Variants in PDE4D observed in about 807,000 individuals in gnomAD.
PDE4D encodes phosphodiesterase 4D.
A neutral mutation model predicts 87.4 loss-of-function variants in PDE4D; 24 were observed. The observed-to-expected ratio is 0.27, with a 90% confidence interval of 0.20 to 0.39. PDE4D has a LOEUF of 0.39. Ranked by LOEUF, PDE4D falls within the 10% of genes least tolerant of loss-of-function variation. The pLI is 1.00. For synonymous variants in PDE4D, 384 were observed against 383.2 expected, an observed-to-expected ratio of 1.00 and a Z score of -0.02; for missense variants, 714 against 1,041.0, an observed-to-expected ratio of 0.69 and a Z score of 4.32.
intron 2 of PDE4D, among the ~76,000 whole-genome samples, chr5:60,098,414 A>G (rs1775898839): frequency 6.6e-6 from 1 of 151,950 alleles, no homozygotes; most frequent in South Asian, 2.1e-4. Flanking sequence ...TAATACATAG[A>G]CATAAAATAT....
intron 1 of PDE4D, among the ~76,000 whole-genome samples, chr5:59,436,984 G>T (rs191767043): frequency 3.9e-5 from 6 of 152,268 alleles, no homozygotes; most frequent in Admixed American, 2.0e-4. Context: ...AGTAAATTAG[G>T]CCTGGTCCAA....
chr5:59,964,462 T>C (rs1481544524), intron 3 of PDE4D, among the ~76,000 whole-genome samples: 2 of 152,140 alleles, frequency 1.3e-5, no homozygotes, highest in Admixed American at 6.6e-5. Context: ...CCCAGCTTCT[T>C]CACTCAGTGT....
At chr5:59,525,802 A>G (rs1813015608) in intron 1 of PDE4D, among the ~76,000 whole-genome samples, 1 of 152,296 alleles carries the variant, frequency 6.6e-6, no homozygotes, top group South Asian at 2.1e-4. Flanking sequence ...TGATAGTTCT[A>G]TAAGGGGCTT....
Position 59,397,348 on chromosome 5 carries a change from A to T in PDE4D, c.456-181380T>A, listed in dbSNP as rs558467593. 3.2e-5 allele frequency among the ~76,000 whole-genome samples: 4 copies of T among 124,112 alleles called. No homozygotes were observed. The South Asian group carries it at 1.1e-3, about 33-fold the overall frequency. 81.4% of individuals were successfully genotyped at this position (124,112 alleles called of 152,430 possible). On this transcript the variant is annotated intron_variant, in intron 1 of 14. Coordinates refer to ENST00000340635, the MANE Select transcript of PDE4D (RefSeq NM_001104631.2). The stretch of plus-strand genomic sequence containing the variant: ...CTTGGAAGTAAAGCTTTCCTCAGCA[A>T]ATGTAAAAGAACAGAAATTATAACA...
intron 1 of PDE4D, among the ~76,000 whole-genome samples, chr5:59,231,595 T>C (rs1424167504): frequency 6.6e-6 from 1 of 152,208 alleles, no homozygotes; most frequent in Non-Finnish European, 1.5e-5. Context: ...AATGAGTTTA[T>C]TTTTTAAGTC....
intron 1 of PDE4D, among the ~76,000 whole-genome samples, chr5:59,415,881 G>A (rs258129): frequency 0.39 from 59,221 of 151,864 alleles, 11,864 homozygotes; most frequent in East Asian, 0.48. Flanking sequence ...CTAAAATTAC[G>A]AAGTGTCTCA....
At chr5:59,109,070 C>T (rs375065275) in intron 5 of PDE4D, among the ~76,000 whole-genome samples, 24 of 150,846 alleles carry the variant, frequency 1.6e-4, no homozygotes, top group African/African-American at 5.8e-4. Flanking sequence ...GATACATTCT[C>T]ATCTTTTTCT....
intron 3 of PDE4D, among the ~76,000 whole-genome samples, chr5:59,909,212 C>G (rs1044623130): frequency 6.6e-6 from 1 of 152,102 alleles, no homozygotes; most frequent in Admixed American, 6.6e-5. Flanking sequence ...AAACCTTCAC[C>G]ATTTCACTCC....
chr5:60,384,828 C>T (rs568080772), intron 1 of PDE4D, among the ~76,000 whole-genome samples: 1 of 152,212 alleles, frequency 6.6e-6, no homozygotes, highest in Non-Finnish European at 1.5e-5. Context: ...AATGCCTACA[C>T]TGTCCATGGA....
chr5:59,481,157 C>A (rs914924954), intron 1 of PDE4D, among the ~76,000 whole-genome samples: 1 of 152,036 alleles, frequency 6.6e-6, no homozygotes, highest in Non-Finnish European at 1.5e-5. Flanking sequence ...GCTTATACCC[C>A]ACATACAGCC....
intron 1 of PDE4D, among the ~76,000 whole-genome samples, chr5:59,599,235 T>TA: frequency 1.7e-5 from 1 of 57,218 alleles, no homozygotes; most frequent in Non-Finnish European, 3.3e-5. Flanking sequence ...TTTTGCTTTT[T>TA]CTTTTTTTTT....
At chr5:59,263,847 G>A (rs988481964) in intron 1 of PDE4D, among the ~76,000 whole-genome samples, 2 of 151,836 alleles carry the variant, frequency 1.3e-5, no homozygotes, top group Admixed American at 6.6e-5. Context: ...GCTTAAAGGG[G>A]CATAAAGGTG....
intron 2 of PDE4D, among the ~76,000 whole-genome samples, chr5:60,090,918 C>A (rs1354969305): frequency 6.6e-6 from 1 of 152,088 alleles, no homozygotes; most frequent in East Asian, 1.9e-4. Flanking sequence ...AAAGTAATCC[C>A]ATTTACAATA....
intron 3 of PDE4D, among the ~76,000 whole-genome samples, chr5:59,921,609 C>T (rs1417177046): frequency 6.6e-6 from 1 of 152,124 alleles, no homozygotes; most frequent in Non-Finnish European, 1.5e-5. Context: ...AAATACTGTA[C>T]TCAGACAGTA....
At chr5:59,056,272 T>C (rs1762342953) in intron 5 of PDE4D, among the ~76,000 whole-genome samples, 4 of 151,888 alleles carry the variant, frequency 2.6e-5, no homozygotes, top group Admixed American at 2.6e-4. Flanking sequence ...TTCTCCAAAT[T>C]CTCTAAAGTG....
chr5:60,043,703 T>C lies in PDE4D; in HGVS notation c.43-54986A>G, dbSNP rs1005097228. Among the ~76,000 whole-genome samples, 6 of 152,234 alleles carry C rather than the reference T, an allele frequency of 3.9e-5. No homozygotes were observed. In the South Asian group the frequency reaches 1.0e-3, roughly 26 times the overall value. ...AAGGAATATTAAAGAGTTTATTTTA[T>C]GCTCATTTATTCCTTCTTGAAAGCT... On this transcript the variant is annotated intron_variant, in intron 2 of 16. Transcript: ENST00000502484.
chr5:59,551,756 G>A (rs1818161349), intron 1 of PDE4D, among the ~76,000 whole-genome samples: 1 of 152,048 alleles, frequency 6.6e-6, no homozygotes, highest in African/African-American at 2.4e-5. Flanking sequence ...AAAATAAAAT[G>A]TGATTGGAAT....
At chr5:59,778,854 T>G (rs1764330814) in intron 1 of PDE4D, among the ~76,000 whole-genome samples, 1 of 152,236 alleles carries the variant, frequency 6.6e-6, no homozygotes, top group Non-Finnish European at 1.5e-5. Flanking sequence ...TCTACTAAAA[T>G]TCTACATTGT....
intron 5 of PDE4D, among the ~76,000 whole-genome samples, chr5:59,086,753 T>C (rs1421004111): frequency 6.6e-6 from 1 of 152,198 alleles, no homozygotes; most frequent in Non-Finnish European, 1.5e-5. Context: ...GAAACCCATG[T>C]ACAATTCTTG....
Sources: allele counts gnomAD v4.1 joint callset (sites outside exome capture counted in the v4.1 genomes callset), GRCh38; gene constraint gnomAD v4.1.1; transcripts MANE v1.5; gene names NCBI Gene and HGNC (gene_info 2026-07-23, HGNC 2026-07-21).